Variants in PCDH15 observed in about 807,000 individuals in gnomAD.
PCDH15 encodes protocadherin-15.
PCDH15 carries 129 observed loss-of-function variants against 178.5 expected under a neutral mutation model. That is an observed-to-expected ratio of 0.72 (90% confidence interval 0.63 to 0.84). The LOEUF is 0.84. PCDH15 is among the 40% of genes least tolerant of loss of function. The pLI is 0.00. For missense variants in PCDH15, 2,230 were observed against 2,099.9 expected (o/e 1.06, Z -1.21); for synonymous variants, 800 against 732.0 (o/e 1.09, Z -1.50).
chr10:55,240,883 G>C (rs547493800), intron 1 of PCDH15, among the ~76,000 whole-genome samples: 37 of 152,224 alleles, frequency 2.4e-4, no homozygotes, highest in African/African-American at 8.9e-4. Context: ...AAAATTGATT[G>C]TTATAATGCA....
chr10:53,995,520 A>G, intron 21 of PCDH15, 129 bp downstream of exon 21: 3 of 1,539,656 alleles, frequency 1.9e-6, no homozygotes, highest in Non-Finnish European at 1.8e-6. Context: ...GTAAAAGAAC[A>G]TAAAATGTAT....
intron 18 of PCDH15, among the ~76,000 whole-genome samples, chr10:54,045,636 G>C (rs1276177731): frequency 6.6e-6 from 1 of 151,802 alleles, no homozygotes; most frequent in Non-Finnish European, 1.5e-5. Context: ...GCGAGTCAGT[G>C]GGAAATATAT....
In PCDH15 at chr10:55,481,818, G is replaced by C. The variant is rs561568244; in HGVS notation, c.-156+145807C>G. Among the ~76,000 whole-genome samples the C allele has an allele frequency of 4.0e-5, 6 of 151,704 alleles. No homozygotes were observed. In the South Asian group the frequency reaches 1.0e-3, roughly 26 times the overall value. Reference sequence around the variant, plus strand: ...AGAAGATTGTATATTCTGTTCTTTGGGGTGGAGAGTTCTCTATGTGTCTAT... The same window carrying C: ...AGAAGATTGTATATTCTGTTCTTTGCGGTGGAGAGTTCTCTATGTGTCTAT... On this transcript the variant is annotated intron_variant, in intron 2 of 5. Transcript: ENST00000613346.
At chr10:54,235,006 G>A (rs766227334) in intron 9 of PCDH15, among the ~76,000 whole-genome samples, 12 of 152,048 alleles carry the variant, frequency 7.9e-5, no homozygotes, top group Non-Finnish European at 1.5e-4. Context: ...CGGCCCCCTT[G>A]TTGTTTCTGA....
At chr10:55,483,556 T>C (rs1329959206) in intron 2 of PCDH15, among the ~76,000 whole-genome samples, 1 of 151,872 alleles carries the variant, frequency 6.6e-6, no homozygotes, top group East Asian at 1.9e-4. Context: ...TCAGCCATTG[T>C]AGAAGACAGT....
intron 18 of PCDH15, among the ~76,000 whole-genome samples, chr10:54,052,920 C>T (rs1351553908): frequency 3.9e-5 from 6 of 152,270 alleles, no homozygotes; most frequent in Non-Finnish European, 1.5e-5. Context: ...TTCTAAGGAG[C>T]TTTTCCCCGC....
chr10:54,578,982 G>A (rs1026525700), intron 2 of PCDH15, among the ~76,000 whole-genome samples: 4 of 152,016 alleles, frequency 2.6e-5, no homozygotes, highest in African/African-American at 9.7e-5. Flanking sequence ...AGCTTTACAA[G>A]GCAACCTCAG....
chr10:54,376,556 T>C (rs1948467029), intron 4 of PCDH15, among the ~76,000 whole-genome samples: 1 of 151,468 alleles, frequency 6.6e-6, no homozygotes, highest in Non-Finnish European at 1.5e-5. Context: ...TTCTCTACTA[T>C]ATCTTTGTAG....
intron 21 of PCDH15, among the ~76,000 whole-genome samples, chr10:53,983,627 G>A (rs2090854759): frequency 6.6e-6 from 1 of 152,106 alleles, no homozygotes; most frequent in Non-Finnish European, 1.5e-5. Context: ...AATGTTTTGG[G>A]AAATGTGCTT....
At chr10:54,446,658 C>T (rs2076157175) in intron 3 of PCDH15, among the ~76,000 whole-genome samples, 1 of 151,504 alleles carries the variant, frequency 6.6e-6, no homozygotes, top group Admixed American at 6.6e-5. Flanking sequence ...ATGGCTAAAT[C>T]AAGCTCTTTA....
chr10:55,373,680 G>A (rs1441866477), intron 2 of PCDH15, among the ~76,000 whole-genome samples: 1 of 152,064 alleles, frequency 6.6e-6, no homozygotes, highest in African/African-American at 2.4e-5. Context: ...TGTTAGGAAA[G>A]GTAGACTTGT....
At chr10:55,011,209 C>T (rs767915118) in intron 2 of PCDH15, among the ~76,000 whole-genome samples, 1 of 151,824 alleles carries the variant, frequency 6.6e-6, no homozygotes, top group African/African-American at 2.4e-5. Flanking sequence ...CTGAAAAAAT[C>T]GTTATATTTA....
chr10:53,984,212 C>T (rs2090934288), intron 21 of PCDH15, among the ~76,000 whole-genome samples: 1 of 126,744 alleles, frequency 7.9e-6, no homozygotes, highest in Non-Finnish European at 1.5e-5. Context: ...TGCAGTGGTG[C>T]AATCTCTGCT....
chr10:55,105,194 C>A (rs1922171), intron 2 of PCDH15, among the ~76,000 whole-genome samples: 113,205 of 152,090 alleles, frequency 0.74, 42,876 homozygotes, highest in East Asian at 0.89. Flanking sequence ...TGTAGTAGCA[C>A]ATGATAAAAT....
intron 3 of PCDH15, among the ~76,000 whole-genome samples, chr10:54,863,458 C>T (rs958203177): frequency 6.6e-6 from 1 of 152,142 alleles, no homozygotes; most frequent in Non-Finnish European, 1.5e-5. Context: ...AGGAGAATGG[C>T]GTGAACCCAG....
intron 28 of PCDH15, among the ~76,000 whole-genome samples, chr10:53,843,644 T>C (rs933599748): frequency 3.3e-5 from 5 of 152,078 alleles, no homozygotes; most frequent in Non-Finnish European, 7.4e-5. Flanking sequence ...TATAGTTATA[T>C]TTTTAAAAAA....
chr10:53,972,182 A>C (rs12261985), intron 21 of PCDH15, among the ~76,000 whole-genome samples: 3,412 of 152,232 alleles, frequency 0.022, 126 homozygotes, highest in African/African-American at 0.075. Context: ...AAACAAGAAA[A>C]AGGGAAAGCA....
At chr10:54,037,092 C>T (rs1295919974) in intron 18 of PCDH15, among the ~76,000 whole-genome samples, 1 of 151,906 alleles carries the variant, frequency 6.6e-6, no homozygotes, top group African/African-American at 2.4e-5. Flanking sequence ...TAAACTTGAA[C>T]AGTTGAGGAG....
At chr10:53,808,955 C>T in intron 37 of PCDH15, 2 of 1,558,890 alleles carry the variant, frequency 1.3e-6, no homozygotes, top group Non-Finnish European at 1.7e-6. Flanking sequence ...CCACTTTCTT[C>T]TTCTTCTGAG....
Sources: allele counts gnomAD v4.1 joint callset (sites outside exome capture counted in the v4.1 genomes callset), GRCh38; gene constraint gnomAD v4.1.1; transcripts MANE v1.5; gene names NCBI Gene and HGNC (gene_info 2026-07-23, HGNC 2026-07-21).